ARMCX4: variants seen among roughly 807,000 people sequenced by gnomAD.
ARMCX4 encodes the protein armadillo repeat containing X-linked 4.
In ARMCX4, 3 loss-of-function variants were observed where a neutral mutation model predicts 34.7. The observed-to-expected ratio is 0.09, with a 90% confidence interval of 0.04 to 0.22. The LOEUF is 0.22. Among genes scored for constraint, ARMCX4 ranks in the 10% least tolerant of loss-of-function variants. ARMCX4 has a pLI of 1.00. For missense variants in ARMCX4, 1,448 were observed against 1,720.8 expected (o/e 0.84, Z 2.81); for synonymous variants, 513 against 632.8 (o/e 0.81, Z 2.84).
rs1045161444 is a variant in ARMCX4, at chrX:101,495,053, G to A, written c.6464G>A (p.Ser2155Asn). ...LRLIRHLTIT[S>N]EYQHMVTNYI... ...TTGATAAGGCATCTGACTATTACCAGTGAATATCAGCATATGGTTACAAAT... is the reference window on the plus strand; with the variant it reads ...TTGATAAGGCATCTGACTATTACCAATGAATATCAGCATATGGTTACAAAT... Residue 2155 changes from serine to asparagine, a missense_variant, in exon 6 of 6, where the codon AGT becomes AAT. Transcript: ENST00000423738. 43 of 1,150,710 alleles carry A rather than the reference G, an allele frequency of 3.7e-5. No individual in the cohort carries two copies. The highest frequency in any genetic ancestry group is 4.9e-5 in the Non-Finnish European group (43 of 869,212). The allele number at this position is 1,150,710 out of a possible 1,213,427, so 94.8% of individuals were successfully genotyped here.
intron 2 of ARMCX4, among the ~76,000 whole-genome samples, chrX:101,421,991 GTTATTA>G (rs200537627): frequency 0.038 from 3,684 of 96,339 alleles, 71 homozygotes; most frequent in Middle Eastern, 0.056. Flanking sequence ...TGGGGGATCA[GTTATTA>G]TTATTATTAT....
At chrX:101,468,454 A>T (rs1410749143) in intron 4 of ARMCX4, among the ~76,000 whole-genome samples, 1 of 102,966 alleles carries the variant, frequency 9.7e-6, no homozygotes, top group Non-Finnish European at 2.0e-5. Flanking sequence ...ACCATGCCTG[A>T]CTAATTTTTG....
chrX:101,527,012 A>C (rs1934990777), intron 11 of ARMCX4, among the ~76,000 whole-genome samples: 1 of 111,913 alleles, frequency 8.9e-6, no homozygotes, highest in Non-Finnish European at 1.9e-5. Flanking sequence ...TCTCCATCCC[A>C]AATCAATAGA....
Position 101,479,304 on chromosome X carries a change from CCACACACACACACACACACA to C in ARMCX4, c.-472-6687_-472-6668del, listed in dbSNP as rs34549014. ...AAATGTATAAAATCTATAAAGAAAA[CCACACACACACACACACACA>C]CACACACACACACACACACACACAC... On this transcript the variant is annotated intron_variant and NMD_transcript_variant, in intron 4 of 15. Coordinates refer to the ARMCX4 transcript ENST00000433011. Among the ~76,000 whole-genome samples the C allele has an allele frequency of 1.2e-4, 9 of 78,194 alleles. No individual in the cohort carries two copies. The South Asian group carries it at 2.3e-3, about 20-fold the overall frequency. 67.9% of individuals were successfully genotyped at this position (78,194 alleles called of 115,157 possible). A position where few individuals can be genotyped will look rare whatever the true frequency, so the allele number is the denominator to read the frequency against.
chrX:101,483,934 G>A (rs1933581258), upstream of ARMCX4, among the ~76,000 whole-genome samples: 1 of 111,337 alleles, frequency 9.0e-6, no homozygotes, highest in Admixed American at 9.5e-5. Flanking sequence ...GAGGCTGCCT[G>A]GAGGGTCTAT....
chrX:101,433,835 C>G (rs1185309530), intron 2 of ARMCX4, among the ~76,000 whole-genome samples: 1 of 111,824 alleles, frequency 8.9e-6, no homozygotes, highest in African/African-American at 3.3e-5. Context: ...ACTATTGGGG[C>G]AGAGACCATG....
chrX:101,438,467 A>G (rs1290918963), intron 2 of ARMCX4, among the ~76,000 whole-genome samples: 7 of 111,167 alleles, frequency 6.3e-5, no homozygotes, highest in South Asian at 3.8e-4. Context: ...TGGGAGGCTG[A>G]GGCAGGAGAA....
chrX:101,508,863 G>A (rs1934516760), intron 8 of ARMCX4, among the ~76,000 whole-genome samples: 1 of 111,274 alleles, frequency 9.0e-6, no homozygotes, highest in Non-Finnish European at 1.9e-5. Context: ...CCTGCTTATT[G>A]TAATCATACA....
rs1569338508 is a variant in ARMCX4, at chrX:101,494,149, TG to T, written c.5563del (p.Asp1855MetfsTer7). 1.2e-6 allele frequency: 1 copy of T among 829,190 alleles called. No individual in the cohort carries two copies. Among genetic ancestry groups the T allele is most frequent in the Admixed American group, 5.1e-5 (1 of 19,428 alleles). The allele number at this position is 829,190 out of a possible 1,213,427, so 68.3% of individuals were successfully genotyped here. A position where few individuals can be genotyped will look rare whatever the true frequency, so the allele number is the denominator to read the frequency against. On this transcript the variant is annotated frameshift_variant, in exon 6 of 6. Coordinates refer to ENST00000423738, the MANE Select transcript of ARMCX4 (RefSeq NM_001256155.3). LOFTEE classifies it high-confidence loss of function. The part of the protein sequence containing the change: ...GTESGAGIWS[W>X]DGDATTVESR... ...TGAGTCTGGGGCTGGGATTTGGTCCTGGGATGGAGATGCAACCACTGTAGAG... is the reference window on the plus strand; with the variant it reads ...TGAGTCTGGGGCTGGGATTTGGTCCTGGATGGAGATGCAACCACTGTAGAG...
At chrX:101,515,343 T>TTTCTTTCTTTCTTTCTTTCTTTC (rs1556017372) in intron 11 of ARMCX4, among the ~76,000 whole-genome samples, 12 of 17,010 alleles carry the variant, frequency 7.1e-4, no homozygotes, top group African/African-American at 3.1e-3. Flanking sequence ...TTTCCTTTCC[T>TTTCTTTCTTTCTTTCTTTCTTTC]TTTCTTTCTT....
chrX:101,493,187 G>C lies in ARMCX4; in HGVS notation c.4598G>C (p.Gly1533Ala). 8.7e-7 allele frequency: 1 copy of C among 1,155,469 alleles called. No individual in the cohort carries two copies. Among genetic ancestry groups the C allele is most frequent in the Non-Finnish European group, 1.1e-6 (1 of 872,707 alleles). Residue 1533 changes from glycine to alanine, a missense_variant, in exon 6 of 6, where the codon GGG becomes GCG. By Grantham distance (60) the Gly-to-Ala change is moderately conservative. Transcript: ENST00000423738. ...GGGGCTAGTGGCCAGGATGTTGGAG[G>C]GTCTAGGCCAGGGCCCACGAACCAG... The part of the protein sequence containing the change: ...WGGASGQDVG[G>A]SRPGPTNQSS...
intron 2 of ARMCX4, among the ~76,000 whole-genome samples, chrX:101,439,709 C>T (rs1472006116): frequency 1.8e-5 from 2 of 111,567 alleles, no homozygotes; most frequent in African/African-American, 6.5e-5. Context: ...CTTCTCTTCT[C>T]GCTTCATTTC....
intron 3 of ARMCX4, among the ~76,000 whole-genome samples, chrX:101,444,534 C>A (rs1555997645): frequency 8.9e-6 from 1 of 112,197 alleles, no homozygotes; most frequent in African/African-American, 3.2e-5. Flanking sequence ...TCTCTATCCA[C>A]TGACCTTTTC....
At chrX:101,506,427 A>G (rs1386555496) in intron 8 of ARMCX4, among the ~76,000 whole-genome samples, 1 of 111,349 alleles carries the variant, frequency 9.0e-6, no homozygotes, top group East Asian at 2.8e-4. Flanking sequence ...CAAGATCAAA[A>G]TGCCAAAAGT....
chrX:101,428,980 T>A (rs1013319220), intron 2 of ARMCX4, among the ~76,000 whole-genome samples: 1 of 104,103 alleles, frequency 9.6e-6, no homozygotes, highest in East Asian at 3.2e-4. Flanking sequence ...CAGGCAATCC[T>A]CCTGTCTCAG....
At chrX:101,446,101 A>G (rs1931603535) in exon 4 of ARMCX4, 1 of 111,830 alleles carries the variant, frequency 8.9e-6, no homozygotes. Flanking sequence ...TTTGTTTCTA[A>G]TTTAGTATTT....
chrX:101,426,483 G>A (rs1322433573), intron 2 of ARMCX4, among the ~76,000 whole-genome samples: 1 of 111,421 alleles, frequency 9.0e-6, no homozygotes, highest in African/African-American at 3.3e-5. Flanking sequence ...TAAGGAGGAG[G>A]AGTTGGAAGG....
rs782548616 is a variant in ARMCX4, at chrX:101,432,649, G to T, written n.165-11403G>T. Among the ~76,000 whole-genome samples the T allele has an allele frequency of 3.5e-3, 381 of 107,576 alleles. 1 individual carries two copies. The highest frequency in any genetic ancestry group is 4.7e-3 in the Non-Finnish European group (246 of 52,161). 93.4% of individuals were successfully genotyped at this position (107,576 alleles called of 115,157 possible). A position where few individuals can be genotyped will look rare whatever the true frequency, so the allele number is the denominator to read the frequency against. ...GCACTCCAGCCTGGCAACAGAGCGA[G>T]ATTCTGTCTCAAAAAAAACCCCATG... On this transcript the variant is annotated intron_variant and non_coding_transcript_variant, in intron 2 of 3. Transcript: ENST00000430461.
chrX:101,500,723 G>T (rs1311340997), downstream of ARMCX4, among the ~76,000 whole-genome samples: 1 of 112,107 alleles, frequency 8.9e-6, no homozygotes, highest in Non-Finnish European at 1.9e-5. Context: ...ATAATGGAAA[G>T]TTCATATTCA....
Sources: allele counts gnomAD v4.1 joint callset (sites outside exome capture counted in the v4.1 genomes callset), GRCh38; gene constraint gnomAD v4.1.1; transcripts MANE v1.5; gene names NCBI Gene and HGNC (gene_info 2026-07-23, HGNC 2026-07-21).